Variants in CRLF2 observed in about 807,000 individuals in gnomAD.
CRLF2 encodes cytokine receptor-like factor 2.
A neutral mutation model predicts 38.7 loss-of-function variants in CRLF2; 41 were observed. The observed-to-expected ratio is 1.06, with a 90% CI of 0.83 to 1.37. The LOEUF (loss-of-function observed/expected upper bound fraction) is 1.37, where lower values mean the gene tolerates loss of function less well. Among genes scored for constraint, CRLF2 ranks in the 40% most tolerant of loss-of-function variants. CRLF2 has a pLI of 0.00. For missense variants in CRLF2, 377 were observed against 322.2 expected (o/e 1.17, Z -1.30); for synonymous variants, 140 against 128.8 (o/e 1.09, Z -0.59).
chrX:1,204,911 C>G (rs775341905), intron 3 of CRLF2, among the ~76,000 whole-genome samples: 148 of 152,148 alleles, frequency 9.7e-4, no homozygotes, highest in African/African-American at 3.3e-3. Flanking sequence ...CCTCTGCCTC[C>G]CAGGTTCAAG....
intron 7 of CRLF2, 145 bp from the exon 8 acceptor site, chrX:1,191,305 C>CCTTCTTTCTT (rs1221609415): frequency 5.7e-6 from 2 of 353,726 alleles, no homozygotes; most frequent in Non-Finnish European, 9.5e-6. Flanking sequence ...CTCTTTCTTT[C>CCTTCTTTCTT]TTTCTTTCTT....
Position 1,206,529 on chromosome X carries a change from G to C in CRLF2, c.253C>G (p.Leu85Val). 6.2e-7 allele frequency: 1 copy of C among 1,613,498 alleles called. No individual in the cohort carries two copies. The highest frequency in any genetic ancestry group is 8.5e-7 in the Non-Finnish European group (1 of 1,179,508). ...LLQEGHTSGC[L>V]LDAEQRDDIL... ...TCGTCTCGCTGCTCTGCGTCTAGGA[G>C]GCACCCCGAAGTGTGACCTTCCTGG... The change falls in exon 3 of 8, where the codon CTC becomes GTC. Residue 85 changes from leucine to valine, a missense_variant. By Grantham distance (32) the Leu-to-Val change is conservative. Transcript: ENST00000400841.
chrX:1,198,020 C>G (rs2086522060), intron 5 of CRLF2, among the ~76,000 whole-genome samples: 1 of 151,890 alleles, frequency 6.6e-6, no homozygotes. Flanking sequence ...AGAAAGAAAA[C>G]TCTCCCAAGT....
intron 3 of CRLF2, among the ~76,000 whole-genome samples, chrX:1,205,403 C>T (rs1317744863): frequency 6.6e-6 from 1 of 152,088 alleles, no homozygotes; most frequent in African/African-American, 2.4e-5. Context: ...ATCATTGATC[C>T]CGCGACTTGC....
intron 5 of CRLF2, 71 bp from the exon 6 acceptor site, chrX:1,196,971 T>C: frequency 1.4e-6 from 2 of 1,413,062 alleles, no homozygotes; most frequent in Non-Finnish European, 2.0e-6. Context: ...AACGTGATGT[T>C]ACATCTCATC....
At chrX:1,193,078 G>C (rs2086421538) in intron 7 of CRLF2, 140 bp downstream of exon 7, 1 of 386,692 alleles carries the variant, frequency 2.6e-6, no homozygotes, top group Non-Finnish European at 4.6e-6. Context: ...CTCCCAAAGT[G>C]CTGGGATGAC....
chrX:1,209,294 TTGTAGTGTAG>T (rs774118469), intron 1 of CRLF2, among the ~76,000 whole-genome samples: 3,219 of 142,492 alleles, frequency 0.023, 88 homozygotes, highest in African/African-American at 0.064. Flanking sequence ...TTGCATTGTA[TTGTAGTGTAG>T]TGTAGTGTAG....
At chrX:1,191,295 C>CTCTCTCTTTCTTTCTT (rs2086368952) in intron 7 of CRLF2, 135 bp from the exon 8 acceptor site, 1 of 318,742 alleles carries the variant, frequency 3.1e-6, no homozygotes, top group African/African-American at 2.9e-5. Flanking sequence ...CTTTTCTTTT[C>CTCTCTCTTTCTTTCTT]TCTTTCTTTC....
rs371174830 is a variant in CRLF2 at position 1,198,736 on chromosome X, TACACACACACACAC to T, written c.484-26_484-13del. 150 of 828,316 alleles carry T rather than the reference TACACACACACACAC, an allele frequency of 1.8e-4. 1 individual carries two copies. The highest frequency in any genetic ancestry group is 7.0e-4 in the South Asian group (42 of 60,148). The allele number at this position is 828,316 out of a possible 1,614,324, so 51.3% of individuals were successfully genotyped here. A position where few individuals can be genotyped will look rare whatever the true frequency, so the allele number is the denominator to read the frequency against. ...TTTTCCTGTTTGGACTGGAGAAACA[TACACACACACACAC>T]ACACACACACACACACACACACACA... is the stretch of plus-strand genomic sequence containing the variant. On this transcript the variant is annotated splice_polypyrimidine_tract_variant and intron_variant, in intron 4 of 7. Coordinates refer to ENST00000400841, the MANE Select transcript of CRLF2 (RefSeq NM_022148.4).
intron 2 of CRLF2, among the ~76,000 whole-genome samples, chrX:1,207,177 C>T (rs2086706187): frequency 6.6e-6 from 1 of 152,148 alleles, no homozygotes; most frequent in Non-Finnish European, 1.5e-5. Flanking sequence ...ATCTCCTGAC[C>T]TCAGGTGATC....
chrX:1,212,156 G>C (rs1336331973), intron 1 of CRLF2, among the ~76,000 whole-genome samples: 2 of 151,856 alleles, frequency 1.3e-5, no homozygotes, highest in African/African-American at 2.4e-5. Flanking sequence ...TGGATGGATA[G>C]TGGATGGATG....
intron 4 of CRLF2, among the ~76,000 whole-genome samples, chrX:1,199,931 TAAG>T (rs2086569635): frequency 1.8e-5 from 1 of 54,914 alleles, no homozygotes; most frequent in African/African-American, 5.9e-5. Context: ...GCTGTGTATG[TAAG>T]GTGTGTATAT....
intron 5 of CRLF2, among the ~76,000 whole-genome samples, chrX:1,198,278 AG>A (rs2086531690): frequency 2.2e-3 from 159 of 72,622 alleles, no homozygotes; most frequent in East Asian, 3.4e-3. Context: ...CCCACCTCCC[AG>A]GAAGGCAGGA....
intron 6 of CRLF2, among the ~76,000 whole-genome samples, chrX:1,194,099 A>T (rs1366574117): frequency 8.9e-5 from 13 of 146,284 alleles, no homozygotes; most frequent in African/African-American, 2.8e-4. Flanking sequence ...CTCTCCAGCC[A>T]GGGCAACAGA....
intron 4 of CRLF2, among the ~76,000 whole-genome samples, chrX:1,200,389 A>T (rs1356815684): frequency 1.6e-5 from 2 of 123,126 alleles, no homozygotes; most frequent in African/African-American, 5.7e-5. Context: ...AGGTATGTAT[A>T]TATGTGTGTG....
intron 6 of CRLF2, 127 bp downstream of exon 6, chrX:1,196,653 G>T (rs1449603834): frequency 3.4e-6 from 4 of 1,193,980 alleles, no homozygotes; most frequent in Non-Finnish European, 1.2e-6. Context: ...ACCATCAGAA[G>T]AGTGGGCATT....
chrX:1,193,711 G>C (rs1324388361), intron 6 of CRLF2, among the ~76,000 whole-genome samples: 1 of 151,330 alleles, frequency 6.6e-6, no homozygotes, highest in Admixed American at 6.6e-5. Flanking sequence ...GAACCCGGGA[G>C]GTGGAGGTTT....
intron 1 of CRLF2, among the ~76,000 whole-genome samples, chrX:1,210,404 C>A (rs1462156709): frequency 6.6e-6 from 1 of 152,098 alleles, no homozygotes; most frequent in Admixed American, 6.6e-5. Context: ...AGCTTTGCCT[C>A]CCGGGTTCAT....
chrX:1,193,714 G>A (rs1285668133), intron 6 of CRLF2, among the ~76,000 whole-genome samples: 4 of 150,384 alleles, frequency 2.7e-5, no homozygotes, highest in African/African-American at 9.8e-5. Context: ...CCCGGGAGGT[G>A]GAGGTTTCAG....
Sources: gnomAD v4.1 joint callset for allele counts (sites outside exome capture counted in the v4.1 genomes callset) on GRCh38, gnomAD v4.1.1 for gene constraint, MANE v1.5 for transcripts, NCBI Gene and HGNC (gene_info 2026-07-23, HGNC 2026-07-21) for gene names.